TMEM154: variants seen among roughly 807,000 people sequenced by gnomAD.
TMEM154 encodes the protein transmembrane protein 154.
TMEM154 carries 27 observed loss-of-function variants against 24.5 expected under a neutral mutation model. The observed-to-expected ratio is 1.10, with a 90% confidence interval of 0.81 to 1.52. The LOEUF (loss-of-function observed/expected upper bound fraction) is 1.52, where lower values mean the gene tolerates loss of function less well. Among genes scored for constraint, TMEM154 ranks in the 40% most tolerant of loss-of-function variants. The pLI is 0.00. For synonymous variants in TMEM154, 67 were observed against 76.8 expected (o/e 0.87, Z 0.67); for missense variants, 228 against 213.4 (o/e 1.07, Z -0.43).
At chr4:152,671,489 T>G (rs1027382505) in intron 1 of TMEM154, among the ~76,000 whole-genome samples, 3 of 151,930 alleles carry the variant, frequency 2.0e-5, no homozygotes, top group Non-Finnish European at 4.4e-5. Flanking sequence ...GGCTCACGCC[T>G]GTAATCCCAG....
At chr4:152,632,756 A>G (rs571630746) in intron 6 of TMEM154, among the ~76,000 whole-genome samples, 2 of 152,178 alleles carry the variant, frequency 1.3e-5, no homozygotes, top group Non-Finnish European at 2.9e-5. Context: ...CTTTTTTAGC[A>G]TAGTAGATAA....
chr4:152,633,521 C>G (rs1390032020), intron 6 of TMEM154, among the ~76,000 whole-genome samples: 1 of 152,200 alleles, frequency 6.6e-6, no homozygotes, highest in Non-Finnish European at 1.5e-5. Context: ...CTAGAGTTCT[C>G]TGTTAAAAAG....
chr4:152,636,856 T>A (rs1752158798), intron 6 of TMEM154, among the ~76,000 whole-genome samples: 1 of 152,234 alleles, frequency 6.6e-6, no homozygotes, highest in Non-Finnish European at 1.5e-5. Flanking sequence ...AAGGCTTTGT[T>A]TATCAGGAGA....
chr4:152,670,269 CAG>C (rs1728800043), intron 1 of TMEM154, among the ~76,000 whole-genome samples: 1 of 152,134 alleles, frequency 6.6e-6, no homozygotes, highest in Non-Finnish European at 1.5e-5. Context: ...TTTGAAGGGA[CAG>C]AGGTGAACTG....
intron 1 of TMEM154, among the ~76,000 whole-genome samples, chr4:152,659,726 C>T (rs562101751): frequency 6.6e-6 from 1 of 152,104 alleles, no homozygotes; most frequent in Non-Finnish European, 1.5e-5. Flanking sequence ...TTACAGTAGT[C>T]CCCCATTATC....
chr4:152,667,476 G>A (rs1036839960), intron 1 of TMEM154, among the ~76,000 whole-genome samples: 3 of 152,110 alleles, frequency 2.0e-5, no homozygotes, highest in Non-Finnish European at 4.4e-5. Context: ...CCCACGTAAA[G>A]GTCAGGTGAC....
rs146590991 is a variant in TMEM154, at chr4:152,635,299, T to C, written c.536+5629A>G. ...TTTTTCTAATCTATAATTTGTCTTT[T>C]AATTTATGAAATATCTCTTATTTTA... is the stretch of plus-strand genomic sequence containing the variant. On this transcript the variant is annotated intron_variant, in intron 6 of 6. Coordinates refer to ENST00000304385, the MANE Select transcript of TMEM154 (RefSeq NM_152680.3). Among the ~76,000 whole-genome samples, 30 of 152,336 alleles carry C rather than the reference T, an allele frequency of 2.0e-4. No homozygotes were observed. The East Asian group carries it at 5.6e-3, about 28-fold the overall frequency.
rs577883092 is a variant in TMEM154, at chr4:152,655,229, A to G, written c.65-2302T>C. ...ACTTAAAGCACGGAAGGAGAGGGAA[A>G]TAAGGCATCCTTCTTGGCTGAGACT... On this transcript the variant is annotated intron_variant, in intron 1 of 6. Transcript: ENST00000304385. Among the ~76,000 whole-genome samples, 22 of 152,346 alleles carry G rather than the reference A, an allele frequency of 1.4e-4. No individual in the cohort carries two copies. In the South Asian group the frequency reaches 4.6e-3, roughly 32 times the overall value.
intron 1 of TMEM154, among the ~76,000 whole-genome samples, chr4:152,663,596 C>T (rs1728659540): frequency 6.6e-6 from 1 of 152,200 alleles, no homozygotes; most frequent in Non-Finnish European, 1.5e-5. Context: ...TGTTAGGTGG[C>T]CAAGTCACAG....
chr4:152,620,986 G>A lies in TMEM154; in HGVS notation c.*7560C>T, dbSNP rs1751836815. The A allele has an allele frequency of 6.6e-6, 1 of 152,192 alleles. No homozygotes were observed. The highest frequency in any genetic ancestry group is 1.5e-5 in the Non-Finnish European group (1 of 68,046). 9.4% of individuals were successfully genotyped at this position (152,192 alleles called of 1,614,324 possible). Reference sequence around the variant, plus strand: ...GTATGTTTAGTGTTTAGCACCTTCTGGCCAGGGTGGCTACCTCTTCAGATA... The same window carrying A: ...GTATGTTTAGTGTTTAGCACCTTCTAGCCAGGGTGGCTACCTCTTCAGATA... On this transcript the variant is annotated 3_prime_UTR_variant, in exon 7 of 7. Coordinates refer to ENST00000304385, the MANE Select transcript of TMEM154 (RefSeq NM_152680.3).
chr4:152,665,676 T>C (rs1305737333), intron 1 of TMEM154, among the ~76,000 whole-genome samples: 1 of 152,076 alleles, frequency 6.6e-6, no homozygotes, highest in Non-Finnish European at 1.5e-5. Flanking sequence ...ACAGCGGTCC[T>C]CAAACCTTAG....
chr4:152,667,109 T>C (rs985620477), intron 1 of TMEM154: 1 of 152,304 alleles, frequency 6.6e-6, no homozygotes, highest in African/African-American at 2.4e-5. Context: ...GTTTTGTACG[T>C]ATCCCCAGCA....
chr4:152,676,588 T>C (rs6836898), intron 1 of TMEM154, among the ~76,000 whole-genome samples: 16,498 of 152,218 alleles, frequency 0.11, 1,187 homozygotes, highest in African/African-American at 0.2. Flanking sequence ...GCATTTAGAA[T>C]AGTGCCTGAC....
intron 6 of TMEM154, among the ~76,000 whole-genome samples, chr4:152,637,790 T>A (rs758861730): frequency 2.0e-5 from 3 of 152,162 alleles, no homozygotes; most frequent in Non-Finnish European, 4.4e-5. Context: ...CTATAACAAT[T>A]CACAAGCTTT....
At position 152,622,880 on chromosome 4, in the gene TMEM154, A is replaced by G. The variant is rs1284453274; in HGVS notation, c.*5666T>C. On this transcript the variant is annotated 3_prime_UTR_variant, in exon 7 of 7. Transcript: ENST00000304385. ...GAGACAGAATCTTGCTCTGTCACCCAGGATGCAGTGCAGTGGCACAATCTT... is the reference window on the plus strand; with the variant it reads ...GAGACAGAATCTTGCTCTGTCACCCGGGATGCAGTGCAGTGGCACAATCTT... 1 of 152,210 alleles carries G rather than the reference A, an allele frequency of 6.6e-6. No individual in the cohort carries two copies. The highest frequency in any genetic ancestry group is 1.5e-5 in the Non-Finnish European group (1 of 68,028). 9.4% of individuals were successfully genotyped at this position (152,210 alleles called of 1,614,324 possible). A position where few individuals can be genotyped will look rare whatever the true frequency, so the allele number is the denominator to read the frequency against.
At chr4:152,665,700 C>T (rs1728704951) in intron 1 of TMEM154, among the ~76,000 whole-genome samples, 1 of 152,028 alleles carries the variant, frequency 6.6e-6, no homozygotes, top group Non-Finnish European at 1.5e-5. Context: ...GTATTGGAAA[C>T]ACCTACAGCC....
At chr4:152,664,332 C>A (rs556640798) in intron 1 of TMEM154, among the ~76,000 whole-genome samples, 22 of 149,866 alleles carry the variant, frequency 1.5e-4, no homozygotes, top group African/African-American at 5.4e-4. Flanking sequence ...AATGACAATA[C>A]ATGGACACAG....
chr4:152,670,239 G>A (rs1561058098), intron 1 of TMEM154: 1 of 152,224 alleles, frequency 6.6e-6, no homozygotes, highest in Non-Finnish European at 1.5e-5. Context: ...GGCGGGGGCA[G>A]AGTGCAATAA....
In TMEM154 at chr4:152,634,247, A is replaced by G. The variant is rs142230982; in HGVS notation, c.537-5686T>C. ...TAATTGCCCCTTTGTTGCAGTCAGG[A>G]TTAGATAAGTCATCTTTGTTCTCCT... On this transcript the variant is annotated intron_variant, in intron 6 of 6. Coordinates refer to ENST00000304385, the MANE Select transcript of TMEM154 (RefSeq NM_152680.3). Among the ~76,000 whole-genome samples the G allele has an allele frequency of 2.8e-4, 42 of 152,236 alleles. 1 individual carries two copies. Among genetic ancestry groups the G allele is most frequent in the African/African-American group, 8.9e-4 (37 of 41,540 alleles).
Sources: gnomAD v4.1 joint callset for allele counts (sites outside exome capture counted in the v4.1 genomes callset) on GRCh38, gnomAD v4.1.1 for gene constraint, MANE v1.5 for transcripts, NCBI Gene and HGNC (gene_info 2026-07-23, HGNC 2026-07-21) for gene names.